Variants in SLC35B3 observed in about 807,000 individuals in gnomAD.
SLC35B3 encodes adenosine 3'-phospho 5'-phosphosulfate transporter 2.
In SLC35B3, 35 loss-of-function variants were observed where a neutral mutation model predicts 44.1. That is an observed-to-expected ratio of 0.79 (90% CI 0.61 to 1.05). The LOEUF is 1.05. Ranked by LOEUF, SLC35B3 falls within the 50% of genes least tolerant of loss-of-function variation. The pLI is 0.00. For missense variants in SLC35B3, 414 were observed against 476.4 expected (o/e 0.87, Z 1.22); for synonymous variants, 146 against 167.3 (o/e 0.87, Z 0.98).
chr6:8,421,736 T>C (rs1762908848), intron 5 of SLC35B3, among the ~76,000 whole-genome samples: 2 of 152,292 alleles, frequency 1.3e-5, no homozygotes, highest in South Asian at 4.1e-4. Flanking sequence ...AAAACGCAGT[T>C]CTGCTCAGAT....
chr6:8,433,408 A>G lies in SLC35B3; in HGVS notation c.3+977T>C, dbSNP rs73720012. On this transcript the variant is annotated intron_variant, in intron 2 of 10. Coordinates refer to ENST00000644923, the MANE Select transcript of SLC35B3 (RefSeq NM_001370476.2). The surrounding 1 kb of genome is among the most constrained non-coding windows in gnomAD (Gnocchi z 4.1). ...CTCCTAAAAGCCTATGAAATCCTTA[A>G]GGCAAGAGATATCTTCCTATGATGT... Among the ~76,000 whole-genome samples, 5,902 of 152,278 alleles carry G rather than the reference A, an allele frequency of 0.039. 216 individuals carry two copies. Among genetic ancestry groups the G allele is most frequent in the African/African-American group, 0.085 (3,536 of 41,548 alleles).
Position 8,419,926 on chromosome 6 carries a change from G to A in SLC35B3, c.683-249C>T, listed in dbSNP as rs148541862. 7.0e-4 allele frequency among the ~76,000 whole-genome samples: 106 copies of A among 151,710 alleles called. 1 individual carries two copies. The East Asian group carries it at 0.018, about 25-fold the overall frequency. ...ATATCACATTTCACATTTCAATAGC[G>A]TATTAAATAACAGTTCCATAAATAT... On this transcript the variant is annotated intron_variant, in intron 6 of 10. Transcript: ENST00000644923. The surrounding 1 kb of genome is among the most constrained non-coding windows in gnomAD (Gnocchi z 4.3).
At chr6:8,435,548 C>T (rs1764428502), upstream of SLC35B3, 1 of 424,124 alleles carries the variant, frequency 2.4e-6, no homozygotes, top group Non-Finnish European at 4.2e-6. This position sits in a 1 kb window ranked among gnomAD's most constrained non-coding sequence, Gnocchi z 5.5. Flanking sequence ...GCCTATGTGT[C>T]CCTGCGCGCG....
Position 8,413,315 on chromosome 6 carries a change from T to C in SLC35B3, c.*234A>G. The C allele has an allele frequency of 2.5e-6, 1 of 404,600 alleles. No individual in the cohort carries two copies. Among genetic ancestry groups the C allele is most frequent in the Non-Finnish European group, 4.4e-6 (1 of 228,514 alleles). 25.1% of individuals were successfully genotyped at this position (404,600 alleles called of 1,614,324 possible). A position where few individuals can be genotyped will look rare whatever the true frequency, so the allele number is the denominator to read the frequency against. ...AACTGCTAGGAATTACAGTCCTTCATATTGACATTTTATTGTAAAGTCTGC... is the reference window on the plus strand; with the variant it reads ...AACTGCTAGGAATTACAGTCCTTCACATTGACATTTTATTGTAAAGTCTGC... On this transcript the variant is annotated 3_prime_UTR_variant, in exon 11 of 11. Transcript: ENST00000644923.
chr6:8,420,798 G>A lies in SLC35B3; in HGVS notation c.605C>T (p.Ala202Val). 1.2e-6 allele frequency: 2 copies of A among 1,612,282 alleles called. No homozygotes were observed. The highest frequency in any genetic ancestry group is 1.7e-6 in the Non-Finnish European group (2 of 1,178,676). Reference sequence around the variant, plus strand: ...CAGGCCAAGGCTCATACATATGGCAGCAGACACATCTGCAACATTATAACG... The same window carrying A: ...CAGGCCAAGGCTCATACATATGGCAACAGACACATCTGCAACATTATAACG... The change falls in exon 6 of 11, where the codon GCT becomes GTT. Residue 202 changes from alanine (A) to valine (V), a missense_variant. Physicochemically the swap from Ala to Val is moderately conservative, Grantham distance 64. Coordinates refer to ENST00000644923, the MANE Select transcript of SLC35B3 (RefSeq NM_001370476.2). The surrounding 1 kb of genome is among the most constrained non-coding windows in gnomAD (Gnocchi z 4.4).
intron 3 of SLC35B3, 103 bp from the exon 3 acceptor site, chr6:8,428,161 C>T: frequency 9.4e-7 from 1 of 1,061,676 alleles, no homozygotes; most frequent in Non-Finnish European, 1.3e-6. Flanking sequence ...CAAGCCCCAC[C>T]TCCAACAACA....
chr6:8,416,007 T>C (rs1003556168), intron 9 of SLC35B3, among the ~76,000 whole-genome samples: 1 of 152,168 alleles, frequency 6.6e-6, no homozygotes, highest in Non-Finnish European at 1.5e-5. Flanking sequence ...GTATAATGTA[T>C]GGTGAAGAGC....
chr6:8,425,608 GA>G (rs1763337463), intron 4 of SLC35B3, among the ~76,000 whole-genome samples: 1 of 151,962 alleles, frequency 6.6e-6, no homozygotes, highest in Non-Finnish European at 1.5e-5. Context: ...GACCCATGAA[GA>G]AACCTGTAAT....
rs543566451 is a variant in SLC35B3 at position 8,425,186 on chromosome 6, G to A, written c.420-2562C>T. The stretch of plus-strand genomic sequence containing the variant: ...TCCCCTCTCATCGGGGTAGCTGATA[G>A]GGAGGTGTTTCTTTCTGAAATGTAA... On this transcript the variant is annotated intron_variant, in intron 4 of 10. Coordinates refer to ENST00000644923, the MANE Select transcript of SLC35B3 (RefSeq NM_001370476.2). Among the ~76,000 whole-genome samples the A allele has an allele frequency of 2.8e-4, 42 of 152,308 alleles. No homozygotes were observed. In the South Asian group the frequency reaches 7.5e-3, roughly 27 times the overall value.
intron 4 of SLC35B3, among the ~76,000 whole-genome samples, chr6:8,424,591 C>G (rs1763245465): frequency 6.6e-6 from 1 of 152,166 alleles, no homozygotes. Context: ...AAAACCTCTT[C>G]AAGACAAATC....
chr6:8,429,160 T>A (rs1378687681), intron 3 of SLC35B3, among the ~76,000 whole-genome samples: 1 of 152,170 alleles, frequency 6.6e-6, no homozygotes, highest in East Asian at 1.9e-4. Flanking sequence ...TAAATGACCA[T>A]TCATAAAATT....
chr6:8,417,596 T>A (rs1762533616), intron 7 of SLC35B3, 102 bp from the exon 7 acceptor site: 1 of 597,872 alleles, frequency 1.7e-6, no homozygotes, highest in Non-Finnish European at 2.9e-6. Flanking sequence ...AGAACAAACA[T>A]TTTAAAAGAA....
At chr6:8,416,404 C>A (rs1442749901) in intron 9 of SLC35B3, among the ~76,000 whole-genome samples, 1 of 152,104 alleles carries the variant, frequency 6.6e-6, no homozygotes. Flanking sequence ...CAAGCAAAGA[C>A]CCTGCACACA....
intron 9 of SLC35B3, 54 bp from the exon 9 acceptor site, chr6:8,415,031 A>C: frequency 8.3e-7 from 1 of 1,198,048 alleles, no homozygotes; most frequent in Non-Finnish European, 1.2e-6. Context: ...ACAATATTTT[A>C]GAAATCACTT....
chr6:8,435,510 T>C lies in SLC35B3; in HGVS notation c.-211A>G, dbSNP rs1463416961. The C allele has an allele frequency of 1.5e-6, 1 of 669,116 alleles. No individual in the cohort carries two copies. The highest frequency in any genetic ancestry group is 2.2e-6 in the Non-Finnish European group (1 of 454,150). The allele number at this position is 669,116 out of a possible 1,614,324, so 41.4% of individuals were successfully genotyped here. ...GCGGTCGCCTCCCCGGAAAGCACTC[T>C]CAACTCCGGCGCCCGCAGGCCACTT... On this transcript the variant is annotated 5_prime_UTR_variant, in exon 1 of 11. Transcript: ENST00000644923. The surrounding 1 kb of genome is among the most constrained non-coding windows in gnomAD (Gnocchi z 5.5).
At position 8,419,520 on chromosome 6, in the gene SLC35B3, T is replaced by G; in HGVS notation, c.780+60A>C. ...AGTTATAATAATTATTTCATCAAAT[T>G]ACGTGTATCACCATTTTTTAAATCT... On this transcript the variant is annotated intron_variant, in intron 7 of 10. Coordinates refer to ENST00000644923, the MANE Select transcript of SLC35B3 (RefSeq NM_001370476.2). The surrounding 1 kb of genome is among the most constrained non-coding windows in gnomAD (Gnocchi z 4.3). 1 of 822,024 alleles carries G rather than the reference T, an allele frequency of 1.2e-6. No individual in the cohort carries two copies. The highest frequency in any genetic ancestry group is 2.1e-5 in the South Asian group (1 of 47,966). The allele number at this position is 822,024 out of a possible 1,614,324, so 50.9% of individuals were successfully genotyped here. A position where few individuals can be genotyped will look rare whatever the true frequency, so the allele number is the denominator to read the frequency against.
rs1353413369 is a variant in SLC35B3 at position 8,411,579 on chromosome 6, G to A, written c.*1970C>T. Among the ~76,000 whole-genome samples the A allele has an allele frequency of 1.3e-5, 2 of 152,188 alleles. No individual in the cohort carries two copies. The highest frequency in any genetic ancestry group is 3.9e-4 in the East Asian group (2 of 5,192). Reference sequence around the variant, plus strand: ...TTAAGATCCCGTCTATCTTAAGCCAGGAAAAATTTTAAATGATTACCACTT... The same window carrying A: ...TTAAGATCCCGTCTATCTTAAGCCAAGAAAAATTTTAAATGATTACCACTT... On this transcript the variant is annotated 3_prime_UTR_variant, in exon 11 of 11. Transcript: ENST00000644923.
At chr6:8,424,047 A>G (rs986716912) in intron 4 of SLC35B3, among the ~76,000 whole-genome samples, 4 of 152,248 alleles carry the variant, frequency 2.6e-5, no homozygotes, top group African/African-American at 4.8e-5. Context: ...AAAGTAGCAC[A>G]GTACAGGTAG....
Position 8,432,484 on chromosome 6 carries a change from A to G in SLC35B3, c.3+1901T>C, listed in dbSNP as rs1764086545. 6.6e-6 allele frequency among the ~76,000 whole-genome samples: 1 copy of G among 152,110 alleles called. No homozygotes were observed. The highest frequency in any genetic ancestry group is 1.5e-5 in the Non-Finnish European group (1 of 68,002). On this transcript the variant is annotated intron_variant, in intron 2 of 10. Transcript: ENST00000644923. This position sits in a 1 kb window ranked among gnomAD's most constrained non-coding sequence, Gnocchi z 4.8. ...GCCAAGCATATTGTAATGACTCAAT[A>G]CAATTATAGGTAATAGTATAAGAAA...
Sources: gnomAD v4.1 joint callset for allele counts (sites outside exome capture counted in the v4.1 genomes callset) on GRCh38, gnomAD v4.1.1 for gene constraint, Gnocchi (gnomAD v3.1) non-coding constraint, MANE v1.5 for transcripts, NCBI Gene and HGNC (gene_info 2026-07-23, HGNC 2026-07-21) for gene names.